The following FAM227A variants were observed in gnomAD, a reference collection of about 807,000 sequenced individuals.
The protein encoded by FAM227A is family with sequence similarity 227 member A.
In FAM227A, 80 loss-of-function variants were observed where a neutral mutation model predicts 74.7. The observed-to-expected ratio is 1.07, with a 90% confidence interval of 0.89 to 1.29. The LOEUF is 1.29. Among genes scored for constraint, FAM227A ranks in the 50% most tolerant of loss-of-function variants. The probability of loss-of-function intolerance (pLI) is 0.00; values close to 1 mark genes in which losing one functional copy is unlikely to be tolerated. For missense variants in FAM227A, 654 were observed against 683.4 expected (o/e 0.96, Z 0.48); for synonymous variants, 237 against 241.8 (o/e 0.98, Z 0.19).
At chr22:38,611,186 CCT>C (rs2091405857) in intron 11 of FAM227A, among the ~76,000 whole-genome samples, 2 of 152,210 alleles carry the variant, frequency 1.3e-5, no homozygotes, top group African/African-American at 4.8e-5. Context: ...TCTGAGACCC[CCT>C]GTCCCATCCC....
chr22:38,635,278 GGAGACA>G lies in FAM227A; in HGVS notation c.519+1167_519+1172del, dbSNP rs569040085. On this transcript the variant is annotated intron_variant, in intron 6 of 16. Coordinates refer to ENST00000535113, the MANE Select transcript of FAM227A (RefSeq NM_001013647.2). ...AGGAAGGGCATGGGGAGAAGGAGAG[GGAGACA>G]GAGATAGAGAGATGGGGTGTGGCTC... 4.6e-4 allele frequency among the ~76,000 whole-genome samples: 69 copies of G among 151,540 alleles called. No homozygotes were observed. In the East Asian group the frequency reaches 0.013, roughly 28 times the overall value.
chr22:38,626,091 G>T, intron 9 of FAM227A, 89 bp downstream of exon 9: 3 of 1,289,876 alleles, frequency 2.3e-6, no homozygotes, highest in Non-Finnish European at 3.2e-6. Flanking sequence ...TCATGAAGGG[G>T]TGTCATAGCA....
At position 38,582,003 on chromosome 22, in the gene FAM227A, A is replaced by C. The variant is rs1262833894; in HGVS notation, c.*4122T>G. On this transcript the variant is annotated 3_prime_UTR_variant, in exon 17 of 17. Transcript: ENST00000535113. ...AGCAATCCTCTTGCCTTGGCCTTCC[A>C]AAGTGCTGGGATTACAGGTGTGAGC... 1 of 213,584 alleles carries C rather than the reference A, an allele frequency of 4.7e-6. No individual in the cohort carries two copies. The highest frequency in any genetic ancestry group is 9.3e-6 in the Non-Finnish European group (1 of 107,686). The allele number at this position is 213,584 out of a possible 1,614,324, so 13.2% of individuals were successfully genotyped here.
chr22:38,619,238 CAA>C (rs1332624469), intron 11 of FAM227A, among the ~76,000 whole-genome samples: 3 of 152,112 alleles, frequency 2.0e-5, no homozygotes, highest in African/African-American at 7.2e-5. Flanking sequence ...CAAGGCTGTG[CAA>C]GTCAGTCTAC....
chr22:38,588,755 C>T (rs1259846991), intron 16 of FAM227A, among the ~76,000 whole-genome samples: 1 of 133,350 alleles, frequency 7.5e-6, no homozygotes, highest in Non-Finnish European at 1.6e-5. Flanking sequence ...CCCGTCTCTA[C>T]TAAAAATACA....
At chr22:38,654,204 C>T (rs1041436990) in intron 1 of FAM227A, among the ~76,000 whole-genome samples, 1 of 151,614 alleles carries the variant, frequency 6.6e-6, no homozygotes, top group Non-Finnish European at 1.5e-5. Context: ...AAAAACTAGC[C>T]GGGTGTGATG....
chr22:38,640,526 A>G (rs1459715737), intron 3 of FAM227A, among the ~76,000 whole-genome samples: 5 of 152,160 alleles, frequency 3.3e-5, no homozygotes, highest in Admixed American at 3.3e-4. Context: ...GGAAGACAGA[A>G]AAATGAATGC....
intron 16 of FAM227A, among the ~76,000 whole-genome samples, chr22:38,586,757 C>T (rs2090818111): frequency 6.6e-6 from 1 of 152,150 alleles, no homozygotes; most frequent in African/African-American, 2.4e-5. Context: ...CAACCTCTGA[C>T]TCCCGGGTTC....
chr22:38,640,056 C>T (rs1480553601), intron 3 of FAM227A, among the ~76,000 whole-genome samples: 13 of 150,836 alleles, frequency 8.6e-5, no homozygotes, highest in Admixed American at 3.3e-4. Flanking sequence ...TTTTTTGAGA[C>T]GGAGTCTCGC....
At position 38,579,574 on chromosome 22, in the gene FAM227A, A is replaced by G. The variant is rs1015386479; in HGVS notation, c.*6551T>C. 1 of 152,178 alleles carries G rather than the reference A, an allele frequency of 6.6e-6. No homozygotes were observed. Among genetic ancestry groups the G allele is most frequent in the African/African-American group, 2.4e-5 (1 of 41,434 alleles). The allele number at this position is 152,178 out of a possible 1,614,324, so 9.4% of individuals were successfully genotyped here. On this transcript the variant is annotated 3_prime_UTR_variant, in exon 17 of 17. Coordinates refer to ENST00000535113, the MANE Select transcript of FAM227A (RefSeq NM_001013647.2). ...TTTAATTTTAAAAATTATGGCTAAA[A>G]TCAAATATGCACAAAAGTAAAACAG...
chr22:38,589,863 G>C (rs1051226112), intron 16 of FAM227A, among the ~76,000 whole-genome samples: 2 of 152,124 alleles, frequency 1.3e-5, no homozygotes, highest in African/African-American at 2.4e-5. Context: ...CACTTTGGGA[G>C]GCCAAGGCGA....
intron 16 of FAM227A, among the ~76,000 whole-genome samples, chr22:38,587,394 T>C (rs896833742): frequency 6.6e-6 from 1 of 151,920 alleles, no homozygotes; most frequent in African/African-American, 2.4e-5. Context: ...AGGACACACA[T>C]AGATGAAAGT....
rs551614854 is a variant in FAM227A at position 38,585,719 on chromosome 22, T to C, written c.*406A>G. 5.2e-5 allele frequency: 13 copies of C among 249,014 alleles called. No individual in the cohort carries two copies. Among genetic ancestry groups the C allele is most frequent in the Non-Finnish European group, 8.7e-5 (11 of 127,160 alleles). The allele number at this position is 249,014 out of a possible 1,614,324, so 15.4% of individuals were successfully genotyped here. A position where few individuals can be genotyped will look rare whatever the true frequency, so the allele number is the denominator to read the frequency against. On this transcript the variant is annotated 3_prime_UTR_variant, in exon 17 of 17. Transcript: ENST00000535113. Reference sequence around the variant, plus strand: ...CCTTGAGAACAGGGACTGTGTCTTATCTACTGTTAATTACCCAGTGTCTAC... The same window carrying C: ...CCTTGAGAACAGGGACTGTGTCTTACCTACTGTTAATTACCCAGTGTCTAC...
chr22:38,639,522 A>G, intron 4 of FAM227A, 133 bp downstream of exon 4: 1 of 892,190 alleles, frequency 1.1e-6, no homozygotes, highest in Non-Finnish European at 1.8e-6. Context: ...TCAAGAAGTC[A>G]GATTTAAGGC....
intron 11 of FAM227A, among the ~76,000 whole-genome samples, chr22:38,616,424 A>G (rs1279899050): frequency 6.6e-6 from 1 of 152,138 alleles, no homozygotes; most frequent in African/African-American, 2.4e-5. Context: ...GCACTTTGGG[A>G]GGCTGAGGCA....
At chr22:38,645,950 ATTT>A (rs955299594) in intron 2 of FAM227A, among the ~76,000 whole-genome samples, 1 of 151,770 alleles carries the variant, frequency 6.6e-6, no homozygotes, top group African/African-American at 2.4e-5. Flanking sequence ...CCCCTGGCCT[ATTT>A]TTAAAATTTC....
intron 12 of FAM227A, among the ~76,000 whole-genome samples, chr22:38,606,944 C>T (rs1164270804): frequency 2.6e-5 from 4 of 151,992 alleles, no homozygotes; most frequent in African/African-American, 4.8e-5. Context: ...TTTGAGAGGC[C>T]GAGGCGGGAG....
chr22:38,593,461 C>T (rs945154962), intron 15 of FAM227A, among the ~76,000 whole-genome samples: 2 of 152,076 alleles, frequency 1.3e-5, no homozygotes, highest in Admixed American at 6.6e-5. Context: ...GCCGAGACTG[C>T]GCCTCTGCAC....
rs1245810941 is a variant in FAM227A, at chr22:38,605,355, A to G, written c.1127-7T>C. The G allele has an allele frequency of 6.6e-7, 1 of 1,506,874 alleles. No homozygotes were observed. The allele number at this position is 1,506,874 out of a possible 1,614,324, so 93.3% of individuals were successfully genotyped here. On this transcript the variant is annotated splice_region_variant and splice_polypyrimidine_tract_variant and intron_variant, in intron 12 of 16. Coordinates refer to ENST00000535113, the MANE Select transcript of FAM227A (RefSeq NM_001013647.2). ...AGGGTCTGACAATGATGCTCTGTCAATGTGACATTAGCAAGAAAATGACCA... is the reference window on the plus strand; with the variant it reads ...AGGGTCTGACAATGATGCTCTGTCAGTGTGACATTAGCAAGAAAATGACCA...
Sources: gnomAD v4.1 joint callset for allele counts (sites outside exome capture counted in the v4.1 genomes callset) on GRCh38, gnomAD v4.1.1 for gene constraint, MANE v1.5 for transcripts, NCBI Gene and HGNC (gene_info 2026-07-23, HGNC 2026-07-21) for gene names.